Variants in RAB38 observed in about 807,000 individuals in gnomAD.
RAB38 encodes the protein RAB38, member RAS oncogene family, also known as ras-related protein Rab-38.
RAB38 carries 15 observed loss-of-function variants against 18.4 expected under a neutral mutation model. The ratio of observed to expected loss-of-function variants is 0.82; its 90% CI spans 0.55 to 1.26. The LOEUF (loss-of-function observed/expected upper bound fraction) is 1.26, where lower values mean the gene tolerates loss of function less well. Ranked by LOEUF, RAB38 falls within the 50% of genes most tolerant of loss-of-function variation. RAB38 has a pLI of 0.00. For missense variants in RAB38, 294 were observed against 267.4 expected, an observed-to-expected ratio of 1.10 and a Z score of -0.69; for synonymous variants, 101 against 104.4, an observed-to-expected ratio of 0.97 and a Z score of 0.20.
chr11:87,818,077 T>C, the RAB38 span, among the ~76,000 whole-genome samples: 1 of 152,202 alleles, frequency 6.6e-6, no homozygotes, highest in Non-Finnish European at 1.5e-5. Context: ...TTTGCATTTG[T>C]CAGAATCACC....
the RAB38 span, among the ~76,000 whole-genome samples, chr11:87,949,585 T>C: frequency 2.0e-5 from 3 of 152,234 alleles, no homozygotes; most frequent in African/African-American, 7.2e-5. Flanking sequence ...TTGTGGTATG[T>C]TGTATCTTTG....
At chr11:87,917,876 A>G in the RAB38 span, 4 of 152,040 alleles carry the variant, frequency 2.6e-5, no homozygotes, top group African/African-American at 4.8e-5. Context: ...GGATTTAACT[A>G]TCCTTATTTT....
the RAB38 span, among the ~76,000 whole-genome samples, chr11:87,949,151 T>C: frequency 6.6e-6 from 1 of 152,246 alleles, no homozygotes; most frequent in East Asian, 1.9e-4. Flanking sequence ...TATCCATTTC[T>C]TCTAGATTTT....
the RAB38 span, among the ~76,000 whole-genome samples, chr11:87,971,090 C>A: frequency 5.3e-5 from 8 of 152,032 alleles, no homozygotes; most frequent in Non-Finnish European, 1.0e-4. Flanking sequence ...CAGCGTTGCA[C>A]GGTTCTTCAA....
chr11:87,846,139 G>T, the RAB38 span, among the ~76,000 whole-genome samples: 58 of 151,934 alleles, frequency 3.8e-4, no homozygotes, highest in African/African-American at 1.3e-3. Flanking sequence ...AAATCAAAAT[G>T]GAATACTAAA....
chr11:87,878,904 C>T, the RAB38 span, among the ~76,000 whole-genome samples: 9 of 150,656 alleles, frequency 6.0e-5, no homozygotes, highest in Non-Finnish European at 1.2e-4. Context: ...CATGTTATCA[C>T]AGTGGAAAAT....
At chr11:88,139,257 G>A (rs901741991) in intron 2 of RAB38, among the ~76,000 whole-genome samples, 1 of 152,116 alleles carries the variant, frequency 6.6e-6, no homozygotes, top group Admixed American at 6.5e-5. Context: ...CTAAGAGTGG[G>A]TTCCTAATGC....
the RAB38 span, among the ~76,000 whole-genome samples, chr11:88,004,891 G>C: frequency 6.6e-6 from 1 of 151,248 alleles, no homozygotes; most frequent in African/African-American, 2.4e-5. Context: ...TTTTGAATAT[G>C]ATCAAAAATA....
the RAB38 span, among the ~76,000 whole-genome samples, chr11:87,902,352 A>G: frequency 6.6e-6 from 1 of 151,622 alleles, no homozygotes; most frequent in Admixed American, 6.6e-5. Flanking sequence ...CAATTGTCGA[A>G]AAGACTCAAC....
At chr11:88,135,061 T>C (rs1376567471) in intron 2 of RAB38, among the ~76,000 whole-genome samples, 1 of 152,158 alleles carries the variant, frequency 6.6e-6, no homozygotes, top group Non-Finnish European at 1.5e-5. Flanking sequence ...TGATTTTATA[T>C]GGCTCAATAG....
the RAB38 span, among the ~76,000 whole-genome samples, chr11:87,806,788 G>A: frequency 2.6e-5 from 4 of 152,188 alleles, no homozygotes; most frequent in Non-Finnish European, 5.9e-5. Context: ...GCTTATCAAA[G>A]ATTTAAAGAG....
chr11:88,140,094 G>A (rs549313989), intron 2 of RAB38, among the ~76,000 whole-genome samples: 2 of 152,294 alleles, frequency 1.3e-5, no homozygotes, highest in African/African-American at 4.8e-5. Flanking sequence ...GATTCTTATG[G>A]AATGTTATGT....
At chr11:87,922,709 T>C in the RAB38 span, among the ~76,000 whole-genome samples, 2 of 151,994 alleles carry the variant, frequency 1.3e-5, no homozygotes, top group Non-Finnish European at 2.9e-5. Flanking sequence ...TATTTATTTT[T>C]TTATGCCAAC....
At chr11:88,032,441 G>T in the RAB38 span, among the ~76,000 whole-genome samples, 2 of 152,124 alleles carry the variant, frequency 1.3e-5, no homozygotes, top group Non-Finnish European at 2.9e-5. Context: ...GAGTGAACAG[G>T]CAACCTACAA....
At chr11:87,943,243 G>A in the RAB38 span, among the ~76,000 whole-genome samples, 3 of 152,086 alleles carry the variant, frequency 2.0e-5, no homozygotes, top group Non-Finnish European at 2.9e-5. Context: ...GAGAAGATTT[G>A]TTCACTGTAG....
At chr11:87,836,632 C>A in the RAB38 span, among the ~76,000 whole-genome samples, 2 of 152,238 alleles carry the variant, frequency 1.3e-5, no homozygotes, top group African/African-American at 4.8e-5. Flanking sequence ...CTTCTATGTG[C>A]AGGTTGGTTC....
At chr11:88,106,106 C>T in the RAB38 span, among the ~76,000 whole-genome samples, 139 of 152,178 alleles carry the variant, frequency 9.1e-4, no homozygotes, top group Middle Eastern at 0.024. Flanking sequence ...CTCTCCCTTC[C>T]CCCAATGAAA....
At chr11:87,932,386 T>C in the RAB38 span, among the ~76,000 whole-genome samples, 3 of 152,146 alleles carry the variant, frequency 2.0e-5, no homozygotes, top group African/African-American at 7.2e-5. Flanking sequence ...GAGAAAAACC[T>C]GGAACATGGC....
chr11:88,163,973 A>G (rs1002851490), intron 1 of RAB38, among the ~76,000 whole-genome samples: 1 of 152,118 alleles, frequency 6.6e-6, no homozygotes, highest in African/African-American at 2.4e-5. Flanking sequence ...AAGGAAACCA[A>G]GTCATGGATG....
Sources: allele counts gnomAD v4.1 joint callset (sites outside exome capture counted in the v4.1 genomes callset), GRCh38; gene constraint gnomAD v4.1.1; transcripts MANE v1.5; gene names NCBI Gene and HGNC (gene_info 2026-07-23, HGNC 2026-07-21).